ADCY2: variants seen among roughly 807,000 people sequenced by gnomAD.
The protein encoded by ADCY2 is adenylate cyclase type 2.
Under a neutral mutation model 125.2 loss-of-function variants are expected in ADCY2, and 31 were observed. The ratio of observed to expected loss-of-function variants is 0.25; its 90% CI spans 0.19 to 0.33. ADCY2 has a LOEUF of 0.33. ADCY2 is among the 10% of genes least tolerant of loss of function. The probability of loss-of-function intolerance (pLI) is 1.00; values close to 1 mark genes in which losing one functional copy is unlikely to be tolerated. For missense variants in ADCY2, 904 were observed against 1,418.2 expected (o/e 0.64, Z 5.82); for synonymous variants, 512 against 548.4 (o/e 0.93, Z 0.93).
chr5:7,621,284 C>T (rs1214487215), intron 3 of ADCY2, among the ~76,000 whole-genome samples: 1 of 152,128 alleles, frequency 6.6e-6, no homozygotes, highest in East Asian at 1.9e-4. Context: ...AGTAAAGACT[C>T]CACAGGCGTA....
At chr5:7,407,867 CTTTT>C (rs963332049) in intron 1 of ADCY2, among the ~76,000 whole-genome samples, 5 of 127,918 alleles carry the variant, frequency 3.9e-5, no homozygotes, top group Non-Finnish European at 5.0e-5. Context: ...CTCTTCAGTT[CTTTT>C]TTTTTTTTTT....
intron 3 of ADCY2, among the ~76,000 whole-genome samples, chr5:7,594,421 A>G (rs1466062206): frequency 1.3e-5 from 2 of 152,250 alleles, no homozygotes; most frequent in Non-Finnish European, 2.9e-5. Context: ...AACCTTTGAA[A>G]GTAAAGGAAG....
chr5:7,557,860 A>G lies in ADCY2; in HGVS notation c.570+36961A>G, dbSNP rs143813434. ...CTGTCCTCATAGTAGAATGATTTCT[A>G]TTCCTTTGAGTATATACCCAGATAC... On this transcript the variant is annotated intron_variant, in intron 3 of 24. Coordinates refer to ENST00000338316, the MANE Select transcript of ADCY2 (RefSeq NM_020546.3). 1.1e-4 allele frequency among the ~76,000 whole-genome samples: 17 copies of G among 152,230 alleles called. 1 individual carries two copies. In the East Asian group the frequency reaches 3.1e-3, roughly 28 times the overall value.
chr5:7,452,083 T>C (rs950583791), intron 2 of ADCY2, among the ~76,000 whole-genome samples: 2 of 152,096 alleles, frequency 1.3e-5, no homozygotes, highest in Non-Finnish European at 1.5e-5. Context: ...GCTAATTTTT[T>C]TGTATTTTTA....
intron 4 of ADCY2, among the ~76,000 whole-genome samples, chr5:7,644,768 A>G (rs1017181934): frequency 6.6e-6 from 1 of 152,042 alleles, no homozygotes; most frequent in Admixed American, 6.6e-5. Context: ...GCTCTGTTAT[A>G]TAATTCTTTG....
At chr5:7,410,354 A>C (rs1200887065) in intron 1 of ADCY2, among the ~76,000 whole-genome samples, 1 of 152,222 alleles carries the variant, frequency 6.6e-6, no homozygotes. Context: ...AAGAAAAAGT[A>C]CATTGAAAAG....
At chr5:7,679,506 G>A (rs2914309) in intron 4 of ADCY2, among the ~76,000 whole-genome samples, 149,303 of 152,268 alleles carry the variant, frequency 0.98, 73,264 homozygotes, top group East Asian at 1. Context: ...GACAGGAGGA[G>A]AGAAGCCAGT....
At chr5:7,482,793 C>CAT (rs1561050292) in intron 2 of ADCY2, among the ~76,000 whole-genome samples, 1 of 112,624 alleles carries the variant, frequency 8.9e-6, no homozygotes, top group Non-Finnish European at 1.8e-5. Flanking sequence ...TATATATATA[C>CAT]ACACACACAT....
chr5:7,502,059 G>T (rs1743614034), intron 2 of ADCY2, among the ~76,000 whole-genome samples: 1 of 152,104 alleles, frequency 6.6e-6, no homozygotes, highest in Non-Finnish European at 1.5e-5. Flanking sequence ...AAGGAACTAG[G>T]CTGGTGGATG....
chr5:7,690,626 A>G (rs1479750680), intron 4 of ADCY2, 65 bp from the exon 5 acceptor site: 35 of 1,368,716 alleles, frequency 2.6e-5, no homozygotes, highest in South Asian at 1.0e-4. Context: ...AGGATCTCCA[A>G]TGTTATTTGG....
At chr5:7,728,559 A>T (rs1742004183) in intron 14 of ADCY2, among the ~76,000 whole-genome samples, 1 of 152,224 alleles carries the variant, frequency 6.6e-6, no homozygotes. Context: ...AAATGTTAAC[A>T]AATTAAGCTC....
chr5:7,787,862 G>A (rs577025353), intron 19 of ADCY2, among the ~76,000 whole-genome samples: 23 of 152,208 alleles, frequency 1.5e-4, no homozygotes, highest in Admixed American at 1.5e-3. Context: ...ATCCTAGCAT[G>A]GCGCATGGAA....
At chr5:7,757,419 G>A (rs1353348948) in intron 15 of ADCY2, 30 bp from the exon 16 acceptor site, 1 of 1,607,404 alleles carries the variant, frequency 6.2e-7, no homozygotes, top group Non-Finnish European at 8.5e-7. Flanking sequence ...AGCTAGCAAT[G>A]CTTCTCTTTT....
intron 3 of ADCY2, among the ~76,000 whole-genome samples, chr5:7,525,737 A>G (rs560919599): frequency 6.6e-6 from 1 of 152,030 alleles, no homozygotes; most frequent in Non-Finnish European, 1.5e-5. Flanking sequence ...AAGCAACCAT[A>G]GGTTTCACTC....
intron 3 of ADCY2, among the ~76,000 whole-genome samples, chr5:7,580,271 C>CT (rs1331055950): frequency 2.0e-5 from 3 of 151,982 alleles, no homozygotes; most frequent in Non-Finnish European, 4.4e-5. Flanking sequence ...GTTAACATTA[C>CT]TTTTTAAAAA....
chr5:7,663,695 T>G (rs554428317), intron 4 of ADCY2, among the ~76,000 whole-genome samples: 4 of 152,334 alleles, frequency 2.6e-5, no homozygotes, highest in African/African-American at 9.6e-5. Context: ...CCTCCATAGA[T>G]GGACCGCTGC....
intron 4 of ADCY2, among the ~76,000 whole-genome samples, chr5:7,668,912 CT>C (rs1739843115): frequency 6.6e-6 from 1 of 152,182 alleles, no homozygotes; most frequent in South Asian, 2.1e-4. Context: ...TAGCTCCAGT[CT>C]TTACTAATTT....
intron 2 of ADCY2, among the ~76,000 whole-genome samples, chr5:7,467,449 C>T (rs752335616): frequency 1.3e-5 from 2 of 152,130 alleles, no homozygotes; most frequent in Admixed American, 6.5e-5. Context: ...AGAAGGGTCC[C>T]CACGTGACCA....
intron 4 of ADCY2, chr5:7,685,295 G>A (rs945375562): frequency 6.6e-6 from 1 of 152,210 alleles, no homozygotes; most frequent in African/African-American, 2.4e-5. Context: ...TTCTAGAAAG[G>A]GCCTCCCATG....
Sources: allele counts gnomAD v4.1 joint callset (sites outside exome capture counted in the v4.1 genomes callset), GRCh38; gene constraint gnomAD v4.1.1; transcripts MANE v1.5; gene names NCBI Gene and HGNC (gene_info 2026-07-23, HGNC 2026-07-21).